Variants in USP39 observed in about 807,000 individuals in gnomAD.
USP39 encodes ubiquitin carboxyl-terminal hydrolase 39.
A neutral mutation model predicts 66.4 loss-of-function variants in USP39; 38 were observed. That is an observed-to-expected ratio of 0.57 (90% CI 0.44 to 0.75). The LOEUF is 0.75. Among genes scored for constraint, USP39 ranks in the 30% least tolerant of loss-of-function variants. The pLI is 0.00. For synonymous variants in USP39, 303 were observed against 274.6 expected, an observed-to-expected ratio of 1.10 and a Z score of -1.02; for missense variants, 608 against 714.4, an observed-to-expected ratio of 0.85 and a Z score of 1.70.
chr2:85,635,988 G>C (rs114828211), intron 6 of USP39, 65 bp from the exon 7 acceptor site: 39 of 1,444,124 alleles, frequency 2.7e-5, no homozygotes, highest in Non-Finnish European at 3.7e-5. Flanking sequence ...GCCAACCAGT[G>C]CATGGTTTAA....
At chr2:85,648,572 C>A (rs372705217) in intron 12 of USP39, among the ~76,000 whole-genome samples, 189 bp from the exon 13 acceptor site, 10 of 152,190 alleles carry the variant, frequency 6.6e-5, no homozygotes, top group African/African-American at 2.2e-4. Context: ...GAAAGTGATA[C>A]CTCTCCTTCT....
intron 8 of USP39, among the ~76,000 whole-genome samples, chr2:85,638,362 A>G (rs1004676888): frequency 6.6e-6 from 1 of 150,576 alleles, no homozygotes; most frequent in African/African-American, 2.4e-5. Flanking sequence ...TTTTTGAGAC[A>G]AGATCTCTGT....
chr2:85,625,869 TTAGC>T (rs1170466585), intron 5 of USP39, among the ~76,000 whole-genome samples, 178 bp downstream of exon 5: 2 of 151,262 alleles, frequency 1.3e-5, no homozygotes, highest in Non-Finnish European at 2.9e-5. Context: ...AATACAAAAA[TTAGC>T]TAGATATGGT....
chr2:85,626,395 T>C (rs1674865219), intron 5 of USP39, among the ~76,000 whole-genome samples: 2 of 152,136 alleles, frequency 1.3e-5, no homozygotes, highest in African/African-American at 2.4e-5. Flanking sequence ...TTGTAGAGTA[T>C]AGTCAGATGA....
chr2:85,633,266 AC>A (rs975669337), intron 6 of USP39, among the ~76,000 whole-genome samples: 2 of 151,884 alleles, frequency 1.3e-5, no homozygotes, highest in Non-Finnish European at 2.9e-5. Flanking sequence ...GACTACAGGC[AC>A]CCACCACCAT....
intron 10 of USP39, among the ~76,000 whole-genome samples, chr2:85,643,771 C>T (rs909675672): frequency 4.6e-5 from 7 of 151,720 alleles, no homozygotes; most frequent in Admixed American, 1.3e-4. Flanking sequence ...CCTCAGCCTC[C>T]GGAATAGGTG....
intron 1 of USP39, among the ~76,000 whole-genome samples, chr2:85,604,163 C>A (rs755899958): frequency 2.0e-5 from 3 of 152,158 alleles, no homozygotes; most frequent in East Asian, 1.9e-4. Flanking sequence ...GAGGGAGAAA[C>A]CTTCTTGGAC....
At chr2:85,621,251 AATG>A (rs1320335746) in intron 2 of USP39, 1 of 414,456 alleles carries the variant, frequency 2.4e-6, no homozygotes. Context: ...TACAAACACT[AATG>A]AGAAAGAGGC....
At position 85,616,336 on chromosome 2, in the gene USP39, T is replaced by G. The variant is rs762069556; in HGVS notation, c.141T>G (p.Pro47=). Residue 47 remains proline, a synonymous_variant, in exon 1 of 13, where the codon CCT becomes CCG. Transcript: ENST00000323701. The part of the protein sequence containing the change: ...EPEAASSRGS[P]VRVKREFEPA... ...AGGCGGCGAGCTCCCGGGGCAGCCC[T>G]GTGCGCGTGAAGCGGGAGTTCGAGC... is the stretch of plus-strand genomic sequence containing the variant. 2.0e-5 allele frequency: 32 copies of G among 1,600,866 alleles called. No homozygotes were observed. Among genetic ancestry groups the G allele is most frequent in the Non-Finnish European group, 2.6e-5 (30 of 1,173,952 alleles).
upstream of USP39, chr2:85,609,409 G>A (rs1370045080): frequency 6.2e-7 from 1 of 1,610,998 alleles, no homozygotes; most frequent in Non-Finnish European, 8.5e-7. Flanking sequence ...GGACCTTCAG[G>A]CTGCAGCTGT....
intron 5 of USP39, among the ~76,000 whole-genome samples, chr2:85,626,590 A>G (rs943683909): frequency 2.0e-5 from 3 of 152,188 alleles, no homozygotes; most frequent in African/African-American, 4.8e-5. Flanking sequence ...CAAGTAAGAA[A>G]CATGCCAGAT....
chr2:85,616,556 A>T (rs1573388874), intron 1 of USP39, 93 bp downstream of exon 1: 16 of 122,142 alleles, frequency 1.3e-4, no homozygotes, highest in Non-Finnish European at 2.3e-4. Flanking sequence ...ACTGCGCCGG[A>T]GTTGGGGGAG....
chr2:85,622,678 T>C (rs1341074865), intron 3 of USP39, among the ~76,000 whole-genome samples: 19 of 151,990 alleles, frequency 1.3e-4, no homozygotes, highest in Non-Finnish European at 2.5e-4. Context: ...TCCATTTTTT[T>C]CTGAAAATTT....
intron 11 of USP39, among the ~76,000 whole-genome samples, chr2:85,647,351 A>G (rs950124903): frequency 6.6e-6 from 1 of 152,166 alleles, no homozygotes; most frequent in African/African-American, 2.4e-5. Flanking sequence ...TTTTAAAAAG[A>G]TGTACAGAAG....
upstream of USP39, among the ~76,000 whole-genome samples, chr2:85,610,013 G>GTTTTT (rs552989319): frequency 1.6e-5 from 2 of 125,142 alleles, no homozygotes; most frequent in African/African-American, 6.6e-5. Context: ...AGTGTAAGTG[G>GTTTTT]TTTTTTTTTT....
intron 6 of USP39, among the ~76,000 whole-genome samples, chr2:85,634,948 G>A (rs796805269): frequency 5.9e-5 from 9 of 152,260 alleles, no homozygotes; most frequent in African/African-American, 2.2e-4. Context: ...GAGAATCAAC[G>A]TGTCTAGTTT....
At chr2:85,626,713 C>T (rs1004268147) in intron 5 of USP39, among the ~76,000 whole-genome samples, 7 of 151,374 alleles carry the variant, frequency 4.6e-5, no homozygotes, top group African/African-American at 1.7e-4. Context: ...CAAAGCTGTC[C>T]TATTTTCTTT....
At chr2:85,638,600 A>G (rs1416485382) in intron 8 of USP39, among the ~76,000 whole-genome samples, 3 of 148,938 alleles carry the variant, frequency 2.0e-5, no homozygotes, top group Admixed American at 2.0e-4. Context: ...GTGCAATGGC[A>G]CTATCTCGGC....
intron 1 of USP39, among the ~76,000 whole-genome samples, chr2:85,617,241 A>AC (rs1286255422): frequency 6.6e-6 from 1 of 151,782 alleles, no homozygotes; most frequent in Non-Finnish European, 1.5e-5. Context: ...GGCGTGAGCC[A>AC]CCGTGCACGG....
Sources: gnomAD v4.1 joint callset for allele counts (sites outside exome capture counted in the v4.1 genomes callset) on GRCh38, gnomAD v4.1.1 for gene constraint, MANE v1.5 for transcripts, NCBI Gene and HGNC (gene_info 2026-07-23, HGNC 2026-07-21) for gene names.